Variants in CHAF1A observed in about 807,000 individuals in gnomAD.
CHAF1A encodes the protein CAF-1 subunit A.
Under a neutral mutation model 93.2 loss-of-function variants are expected in CHAF1A, and 5 were observed. The observed-to-expected ratio is 0.05, with a 90% CI of 0.03 to 0.11. The LOEUF (loss-of-function observed/expected upper bound fraction) is 0.11, where lower values mean the gene tolerates loss of function less well. CHAF1A is among the 10% of genes least tolerant of loss of function. The probability of loss-of-function intolerance (pLI) is 1.00; values close to 1 mark genes in which losing one functional copy is unlikely to be tolerated. For missense variants in CHAF1A, 1,102 were observed against 1,259.9 expected (o/e 0.87, Z 1.90); for synonymous variants, 504 against 510.3 (o/e 0.99, Z 0.17).
chr19:4,415,171 G>C (rs1034013111), intron 3 of CHAF1A, among the ~76,000 whole-genome samples: 1 of 152,210 alleles, frequency 6.6e-6, no homozygotes, highest in South Asian at 2.1e-4. Flanking sequence ...GTGTTGCATA[G>C]AATTTTGAGA....
intron 2 of CHAF1A, among the ~76,000 whole-genome samples, chr19:4,407,831 C>G (rs985900341): frequency 1.3e-5 from 2 of 151,948 alleles, no homozygotes; most frequent in African/African-American, 4.8e-5. Flanking sequence ...GCCTGTAATC[C>G]CAGCTACTTG....
chr19:4,423,167 C>T (rs1974020713), intron 5 of CHAF1A, among the ~76,000 whole-genome samples, 168 bp from the exon 6 acceptor site: 1 of 152,134 alleles, frequency 6.6e-6, no homozygotes, highest in South Asian at 2.1e-4. Context: ...TGACTGTTTT[C>T]CATTTTTATT....
At chr19:4,415,477 G>A (rs894152623) in intron 3 of CHAF1A, among the ~76,000 whole-genome samples, 1 of 152,162 alleles carries the variant, frequency 6.6e-6, no homozygotes, top group African/African-American at 2.4e-5. Flanking sequence ...ACCACATTCC[G>A]TATTATAATC....
chr19:4,414,257 G>A (rs1229267471), intron 3 of CHAF1A, among the ~76,000 whole-genome samples: 4 of 152,044 alleles, frequency 2.6e-5, no homozygotes, highest in South Asian at 2.1e-4. Context: ...AAAAAATAGC[G>A]GGGCATGGGG....
At chr19:4,430,197 A>G (rs1009840760) in intron 10 of CHAF1A, 2 of 323,766 alleles carry the variant, frequency 6.2e-6, no homozygotes, top group Admixed American at 9.5e-5. Flanking sequence ...TGTTTCTTTA[A>G]GATGGAGTCT....
rs149123603 is a variant in CHAF1A, at chr19:4,418,032, T to A, written c.973T>A (p.Phe325Ile). The A allele has an allele frequency of 1.5e-4, 235 of 1,602,998 alleles. No individual in the cohort carries two copies. The African/African-American group carries it at 3.0e-3, about 20-fold the overall frequency. The change falls in exon 4 of 15, where the codon TTC becomes ATC. Residue 325 changes from phenylalanine (F) to isoleucine (I), a missense_variant. Coordinates refer to ENST00000301280, the MANE Select transcript of CHAF1A (RefSeq NM_005483.3). ...CTTCTGTTTTCAGATAACTAAGAAA[T>A]TCGTCAAAGGCTCTACAGAGAAGAA... ...STPLRRITKK[F>I]VKGSTEKNKL... is the part of the protein sequence containing the mutation.
At chr19:4,407,394 G>A (rs940352498) in intron 2 of CHAF1A, among the ~76,000 whole-genome samples, 36 of 151,938 alleles carry the variant, frequency 2.4e-4, no homozygotes, top group Non-Finnish European at 8.8e-5. Context: ...CCGAAGCCTG[G>A]CAGACTCTGG....
chr19:4,428,984 T>C (rs983479688), intron 8 of CHAF1A, 94 bp downstream of exon 8: 1 of 1,002,028 alleles, frequency 1.0e-6, no homozygotes, highest in Non-Finnish European at 1.5e-6. Flanking sequence ...CTCTGGGTCC[T>C]TCTGTTGCTT....
At chr19:4,428,539 G>C in intron 7 of CHAF1A, 125 bp from the exon 8 acceptor site, 2 of 794,198 alleles carry the variant, frequency 2.5e-6, no homozygotes, top group Non-Finnish European at 4.1e-6. Flanking sequence ...CACAGTGCCT[G>C]GGCTTTTGAG....
chr19:4,439,288 A>T (rs1599664988), intron 13 of CHAF1A, among the ~76,000 whole-genome samples: 1 of 152,094 alleles, frequency 6.6e-6, no homozygotes, highest in African/African-American at 2.4e-5. Context: ...CTCAGAAAAA[A>T]AAAAAAAAGA....
chr19:4,430,905 T>G, intron 11 of CHAF1A: 1 of 477,912 alleles, frequency 2.1e-6, no homozygotes, highest in South Asian at 2.2e-5. Flanking sequence ...CCATGGTCTG[T>G]GGGTTAGAAG....
intron 7 of CHAF1A, 124 bp downstream of exon 7, chr19:4,423,998 G>A (rs1197087578): frequency 1.2e-6 from 1 of 809,994 alleles, no homozygotes; most frequent in Non-Finnish European, 2.0e-6. Context: ...CAGTGACCTA[G>A]GGCACTTCCA....
intron 13 of CHAF1A, among the ~76,000 whole-genome samples, chr19:4,438,968 C>T (rs943506898): frequency 1.3e-5 from 2 of 151,426 alleles, no homozygotes; most frequent in Admixed American, 6.6e-5. Context: ...GGCAACAGAG[C>T]GGGATTCTGT....
intron 7 of CHAF1A, among the ~76,000 whole-genome samples, chr19:4,426,977 A>G (rs569990083): frequency 1.3e-5 from 2 of 151,350 alleles, no homozygotes; most frequent in South Asian, 4.2e-4. Flanking sequence ...CTGTAATCCC[A>G]GCTGCTCATG....
At position 4,430,830 on chromosome 19, in the gene CHAF1A, A is replaced by G. The variant is rs1974168694; in HGVS notation, c.1947+189A>G. 6.8e-6 allele frequency: 4 copies of G among 591,492 alleles called. No homozygotes were observed. In the South Asian group the frequency reaches 7.8e-5, roughly 12 times the overall value. 36.6% of individuals were successfully genotyped at this position (591,492 alleles called of 1,614,324 possible). A position where few individuals can be genotyped will look rare whatever the true frequency, so the allele number is the denominator to read the frequency against. ...ACTTGGTATTACCTGGGAGGGTGGCAGACGTAGGAGGAGCTTGCAAGCGAG... is the reference window on the plus strand; with the variant it reads ...ACTTGGTATTACCTGGGAGGGTGGCGGACGTAGGAGGAGCTTGCAAGCGAG... On this transcript the variant is annotated intron_variant, in intron 11 of 14. Transcript: ENST00000301280.
chr19:4,448,462 G>A (rs375566477), downstream of CHAF1A: 230 of 1,493,894 alleles, frequency 1.5e-4, 1 homozygote, highest in African/African-American at 2.5e-3. Context: ...AGCCCGGGCC[G>A]CACGGCCCTC....
intron 12 of CHAF1A, 148 bp downstream of exon 12, chr19:4,432,355 T>A: frequency 2.1e-6 from 2 of 934,972 alleles, no homozygotes; most frequent in Non-Finnish European, 3.1e-6. Flanking sequence ...TACATGTCCG[T>A]ACGTTCAATG....
chr19:4,446,322 G>T, downstream of CHAF1A: 2 of 1,574,544 alleles, frequency 1.3e-6, no homozygotes, highest in Non-Finnish European at 1.7e-6. Flanking sequence ...ACGCGCAGCA[G>T]CGTGTAGTTG....
chr19:4,424,542 C>T (rs1385289599), intron 7 of CHAF1A, among the ~76,000 whole-genome samples: 2 of 152,214 alleles, frequency 1.3e-5, no homozygotes, highest in Non-Finnish European at 2.9e-5. Context: ...AAGCTCACCA[C>T]AGCCTTGACC....
Sources: allele counts gnomAD v4.1 joint callset (sites outside exome capture counted in the v4.1 genomes callset), GRCh38; gene constraint gnomAD v4.1.1; transcripts MANE v1.5; gene names NCBI Gene and HGNC (gene_info 2026-07-23, HGNC 2026-07-21).